The following TRAPPC8 variants were observed in gnomAD, a reference collection of about 807,000 sequenced individuals.
The protein encoded by TRAPPC8 is trafficking protein particle complex subunit 8, also known as general sporulation gene 1 homolog.
In TRAPPC8, 54 loss-of-function variants were observed where a neutral mutation model predicts 174.3. That is an observed-to-expected ratio of 0.31 (90% CI 0.25 to 0.39). TRAPPC8 has a LOEUF of 0.39. Among genes scored for constraint, TRAPPC8 ranks in the 10% least tolerant of loss-of-function variants. The probability of loss-of-function intolerance (pLI) is 1.00; values close to 1 mark genes in which losing one functional copy is unlikely to be tolerated. For synonymous variants in TRAPPC8, 630 were observed against 579.9 expected, an observed-to-expected ratio of 1.09 and a Z score of -1.24; for missense variants, 1,531 against 1,699.1, an observed-to-expected ratio of 0.90 and a Z score of 1.74.
intron 2 of TRAPPC8, among the ~76,000 whole-genome samples, chr18:31,930,506 G>A (rs2037803714): frequency 6.6e-6 from 1 of 152,164 alleles, no homozygotes; most frequent in Non-Finnish European, 1.5e-5. Flanking sequence ...TACTTTATTA[G>A]ACTGCTGAAA....
intron 16 of TRAPPC8, among the ~76,000 whole-genome samples, chr18:31,869,847 G>A (rs561270917): frequency 2.0e-5 from 3 of 152,218 alleles, no homozygotes; most frequent in South Asian, 4.2e-4. Flanking sequence ...CCAGCACTTC[G>A]GGAGGCTGAG....
intron 12 of TRAPPC8, among the ~76,000 whole-genome samples, chr18:31,880,090 A>AATATATATATATATATATATATAT (rs1246506445): frequency 1.2e-5 from 1 of 85,380 alleles, no homozygotes; most frequent in Non-Finnish European, 2.2e-5. Context: ...TGAAAAAAAA[A>AATATATATATATATATATATATAT]ATATATATAT....
intron 19 of TRAPPC8, among the ~76,000 whole-genome samples, chr18:31,860,402 T>C (rs766761334): frequency 6.6e-6 from 1 of 152,156 alleles, no homozygotes; most frequent in Non-Finnish European, 1.5e-5. Context: ...GAAAGATTTC[T>C]AATCCACATA....
rs1598779099 is a variant in TRAPPC8 at position 31,942,825 on chromosome 18, G to C, written c.-61C>G. ...GGCCCACCCTGCGAGGTTATCCTGC[G>C]GCTGCAGCAGCTACCGCCGCCGCCC... On this transcript the variant is annotated 5_prime_UTR_variant, in exon 1 of 29. Transcript: ENST00000283351. 4 of 1,275,298 alleles carry C rather than the reference G, an allele frequency of 3.1e-6. No individual in the cohort carries two copies. Among genetic ancestry groups the C allele is most frequent in the Non-Finnish European group, 4.0e-6 (4 of 1,007,364 alleles). The allele number at this position is 1,275,298 out of a possible 1,614,324, so 79.0% of individuals were successfully genotyped here.
intron 12 of TRAPPC8, among the ~76,000 whole-genome samples, chr18:31,880,600 T>A (rs1004513350): frequency 2.0e-5 from 3 of 151,944 alleles, no homozygotes; most frequent in Non-Finnish European, 4.4e-5. Context: ...GACAAGGATG[T>A]ACACTCTGCA....
At chr18:31,937,513 GCT>G (rs1430106451) in intron 1 of TRAPPC8, 1 of 151,470 alleles carries the variant, frequency 6.6e-6, no homozygotes, top group African/African-American at 2.4e-5. Context: ...ACAGAGTGAG[GCT>G]CTGTCTCAAA....
intron 11 of TRAPPC8, among the ~76,000 whole-genome samples, chr18:31,897,413 C>A (rs1005462792): frequency 6.6e-6 from 1 of 152,088 alleles, no homozygotes; most frequent in African/African-American, 2.4e-5. Context: ...ATCTCCCTAG[C>A]AAGCAGACTC....
intron 13 of TRAPPC8, 127 bp from the exon 14 acceptor site, chr18:31,873,665 T>G: frequency 1.7e-6 from 1 of 592,328 alleles, no homozygotes; most frequent in Non-Finnish European, 2.9e-6. Flanking sequence ...ATGTAATTAC[T>G]AGTTTTATTT....
chr18:31,887,156 A>G (rs2035754174), intron 12 of TRAPPC8, among the ~76,000 whole-genome samples: 1 of 152,234 alleles, frequency 6.6e-6, no homozygotes, highest in South Asian at 2.1e-4. Flanking sequence ...ACCACAATCA[A>G]GCTGGCGTCA....
At chr18:31,906,055 T>C (rs956189633) in intron 9 of TRAPPC8, among the ~76,000 whole-genome samples, 1 of 152,078 alleles carries the variant, frequency 6.6e-6, no homozygotes, top group South Asian at 2.1e-4. Flanking sequence ...CATAGCATAT[T>C]TTCCATTTCT....
intron 14 of TRAPPC8, among the ~76,000 whole-genome samples, chr18:31,872,303 AATC>A (rs1568070137): frequency 6.6e-6 from 1 of 152,212 alleles, no homozygotes; most frequent in Non-Finnish European, 1.5e-5. Flanking sequence ...ATCCTAAATA[AATC>A]ATCCTGCATT....
chr18:31,899,766 G>GA (rs2036335892), intron 10 of TRAPPC8, among the ~76,000 whole-genome samples: 1 of 152,064 alleles, frequency 6.6e-6, no homozygotes, highest in Non-Finnish European at 1.5e-5. Context: ...CCAAAACAGT[G>GA]AAACACCTTC....
chr18:31,912,877 TAA>T (rs2036977755), intron 5 of TRAPPC8, among the ~76,000 whole-genome samples: 1 of 152,078 alleles, frequency 6.6e-6, no homozygotes, highest in Non-Finnish European at 1.5e-5. Context: ...CCTGTAACCC[TAA>T]CACTTTGGGA....
chr18:31,896,716 T>G (rs1051331053), intron 11 of TRAPPC8, among the ~76,000 whole-genome samples: 1 of 152,066 alleles, frequency 6.6e-6, no homozygotes, highest in East Asian at 1.9e-4. Flanking sequence ...ACCTCCACCT[T>G]GTGCTCAAGC....
At chr18:31,919,484 G>C (rs2037282830) in intron 2 of TRAPPC8, among the ~76,000 whole-genome samples, 2 of 151,276 alleles carry the variant, frequency 1.3e-5, no homozygotes, top group Non-Finnish European at 2.9e-5. Context: ...TGTGAGCTGA[G>C]ATGGCGTCAC....
chr18:31,905,495 T>C (rs760162657), intron 9 of TRAPPC8, among the ~76,000 whole-genome samples: 2 of 152,164 alleles, frequency 1.3e-5, no homozygotes, highest in Admixed American at 6.5e-5. Flanking sequence ...GGCAGCTCCA[T>C]CGGTTGGGAA....
intron 19 of TRAPPC8, among the ~76,000 whole-genome samples, chr18:31,861,911 C>T (rs571355808): frequency 1.8e-5 from 2 of 112,988 alleles, no homozygotes; most frequent in African/African-American, 3.8e-5. Flanking sequence ...GGTGACAGAG[C>T]GATCCCGTCT....
At chr18:31,844,699 G>C (rs1286986550) in intron 26 of TRAPPC8, 1 of 146,044 alleles carries the variant, frequency 6.8e-6, no homozygotes, top group Non-Finnish European at 1.5e-5. Flanking sequence ...CCTGGTAACA[G>C]AGTGAGACTC....
chr18:31,854,424 T>A (rs185474162), intron 21 of TRAPPC8, among the ~76,000 whole-genome samples: 118 of 152,256 alleles, frequency 7.8e-4, no homozygotes, highest in African/African-American at 2.6e-3. Flanking sequence ...TTCTCCTGAA[T>A]AAAAGCTAAT....
Sources: allele counts gnomAD v4.1 joint callset (sites outside exome capture counted in the v4.1 genomes callset), GRCh38; gene constraint gnomAD v4.1.1; transcripts MANE v1.5; gene names NCBI Gene and HGNC (gene_info 2026-07-23, HGNC 2026-07-21).